Variants in CACNA1C observed in about 807,000 individuals in gnomAD.
CACNA1C encodes the protein voltage-dependent L-type calcium channel subunit alpha-1C.
A neutral mutation model predicts 229.0 loss-of-function variants in CACNA1C; 30 were observed. The observed-to-expected ratio is 0.13, with a 90% confidence interval of 0.10 to 0.18. The LOEUF (loss-of-function observed/expected upper bound fraction) is 0.18, where lower values mean the gene tolerates loss of function less well. CACNA1C is among the 10% of genes least tolerant of loss of function. The pLI, the probability that CACNA1C is intolerant of heterozygous loss-of-function variation, is 1.00. For synonymous variants in CACNA1C, 1,114 were observed against 1,132.5 expected (o/e 0.98, Z 0.33); for missense variants, 1,658 against 2,845.0 (o/e 0.58, Z 9.49).
At chr12:2,562,383 G>A (rs1295382271) in intron 11 of CACNA1C, among the ~76,000 whole-genome samples, 1 of 152,214 alleles carries the variant, frequency 6.6e-6, no homozygotes, top group Non-Finnish European at 1.5e-5. Context: ...ACTTGAGACT[G>A]TATCTATTTA....
chr12:2,066,668 G>A (rs1434763301), intron 1 of CACNA1C, among the ~76,000 whole-genome samples: 1 of 152,012 alleles, frequency 6.6e-6, no homozygotes, highest in African/African-American at 2.4e-5. Context: ...GAGAGGGGAG[G>A]GATTTGTTGG....
chr12:2,180,141 C>T (rs1368415675), intron 3 of CACNA1C, among the ~76,000 whole-genome samples: 2 of 152,206 alleles, frequency 1.3e-5, no homozygotes, highest in African/African-American at 2.4e-5. Context: ...GTTGAGCACA[C>T]GGTAGATGGA....
chr12:2,262,678 A>G (rs1379622167), intron 3 of CACNA1C, among the ~76,000 whole-genome samples: 1 of 152,168 alleles, frequency 6.6e-6, no homozygotes, highest in African/African-American at 2.4e-5. Flanking sequence ...GCCTTGCAGG[A>G]CTGGGGTGGG....
chr12:2,004,086 T>C, intron 1 of CACNA1C: 1 of 720,578 alleles, frequency 1.4e-6, no homozygotes, highest in Non-Finnish European at 2.3e-6. Flanking sequence ...CAACTCCAGG[T>C]AGCTCCACAG....
intron 3 of CACNA1C, among the ~76,000 whole-genome samples, chr12:2,206,122 G>C (rs1245498374): frequency 6.6e-6 from 1 of 152,134 alleles, no homozygotes; most frequent in African/African-American, 2.4e-5. Context: ...GGGCGAGCTG[G>C]ACAGACCTGG....
At position 2,355,238 on chromosome 12, in the gene CACNA1C, G is replaced by A. The variant is rs577692312; in HGVS notation, c.478-93738G>A. Among the ~76,000 whole-genome samples, 15 of 152,272 alleles carry A rather than the reference G, an allele frequency of 9.9e-5. No individual in the cohort carries two copies. In the South Asian group the frequency reaches 1.2e-3, roughly 13 times the overall value. Reference sequence around the variant, plus strand: ...TAAACTTTGGGATCTGCCCTCCTCCGGAGGGGGAGAAGCTGGCTGATGTTC... The same window carrying A: ...TAAACTTTGGGATCTGCCCTCCTCCAGAGGGGGAGAAGCTGGCTGATGTTC... On this transcript the variant is annotated intron_variant, in intron 3 of 46. Transcript: ENST00000399655.
At chr12:2,357,950 A>C (rs1358558658) in intron 3 of CACNA1C, among the ~76,000 whole-genome samples, 1 of 148,482 alleles carries the variant, frequency 6.7e-6, no homozygotes. Context: ...CAGCTGGGCA[A>C]CAAGAGTGAA....
At chr12:2,578,049 T>C (rs1322483085) in intron 13 of CACNA1C, among the ~76,000 whole-genome samples, 1 of 151,698 alleles carries the variant, frequency 6.6e-6, no homozygotes, top group Non-Finnish European at 1.5e-5. Flanking sequence ...TTTGTATTTT[T>C]AGTAGAGACG....
chr12:2,406,634 A>G (rs1344231909), intron 3 of CACNA1C, among the ~76,000 whole-genome samples: 1 of 152,034 alleles, frequency 6.6e-6, no homozygotes, highest in Non-Finnish European at 1.5e-5. Flanking sequence ...TTTTTTACTG[A>G]GGCTCTGTTT....
intron 3 of CACNA1C, among the ~76,000 whole-genome samples, chr12:2,138,794 G>T (rs139491122): frequency 6.6e-6 from 1 of 150,920 alleles, no homozygotes; most frequent in Non-Finnish European, 1.5e-5. Context: ...AGCCAAATAC[G>T]CCTCTTTTCT....
At chr12:2,255,621 T>C (rs756726837) in intron 3 of CACNA1C, among the ~76,000 whole-genome samples, 4 of 152,212 alleles carry the variant, frequency 2.6e-5, no homozygotes, top group Non-Finnish European at 5.9e-5. Context: ...AGTAAGCTGG[T>C]GGCCTTCAGA....
chr12:2,203,190 G>A (rs1004469975), intron 3 of CACNA1C, among the ~76,000 whole-genome samples: 1 of 152,088 alleles, frequency 6.6e-6, no homozygotes, highest in Non-Finnish European at 1.5e-5. Flanking sequence ...CCACAGGAGC[G>A]ACCAGCCAGG....
intron 3 of CACNA1C, among the ~76,000 whole-genome samples, chr12:2,148,903 G>A (rs1424908977): frequency 3.3e-5 from 5 of 152,182 alleles, no homozygotes; most frequent in Non-Finnish European, 5.9e-5. Context: ...GCAGCCTGGC[G>A]GGTGGCCCTG....
At chr12:2,256,071 T>TGACTAGTTTACAATCACACTATCC (rs1566709880) in intron 3 of CACNA1C, among the ~76,000 whole-genome samples, 2 of 152,252 alleles carry the variant, frequency 1.3e-5, no homozygotes, top group Non-Finnish European at 1.5e-5. Context: ...GATCCTGACC[T>TGACTAGTTTACAATCACACTATCC]TACTAGTTTA....
chr12:1,998,011 G>A, intron 1 of CACNA1C: 1 of 1,574,922 alleles, frequency 6.3e-7, no homozygotes, highest in Admixed American at 1.9e-5. Context: ...AGACATGTAT[G>A]TTCTCTTCAA....
At chr12:2,626,916 T>C (rs551750629) in intron 29 of CACNA1C, among the ~76,000 whole-genome samples, 2 of 152,208 alleles carry the variant, frequency 1.3e-5, no homozygotes, top group African/African-American at 4.8e-5. Context: ...AATGAGTAAA[T>C]AAATGGACGA....
chr12:2,267,835 T>TTC (rs1196936699), intron 3 of CACNA1C, among the ~76,000 whole-genome samples: 1 of 152,138 alleles, frequency 6.6e-6, no homozygotes, highest in Non-Finnish European at 1.5e-5. Context: ...GGGAGGGGTA[T>TTC]TCCCCCTGGT....
intron 22 of CACNA1C, among the ~76,000 whole-genome samples, chr12:2,604,633 C>A (rs1317049273): frequency 1.3e-5 from 2 of 152,200 alleles, no homozygotes; most frequent in Non-Finnish European, 2.9e-5. Flanking sequence ...TTAACCCTTG[C>A]AAAGACCTTC....
At chr12:2,278,226 T>C (rs952853049) in intron 3 of CACNA1C, among the ~76,000 whole-genome samples, 5 of 152,226 alleles carry the variant, frequency 3.3e-5, no homozygotes, top group African/African-American at 1.2e-4. Context: ...ATTCACCCAC[T>C]CAGTCTATTG....
Sources: allele counts gnomAD v4.1 joint callset (sites outside exome capture counted in the v4.1 genomes callset), GRCh38; gene constraint gnomAD v4.1.1; transcripts MANE v1.5; gene names NCBI Gene and HGNC (gene_info 2026-07-23, HGNC 2026-07-21).